NUP210: variants seen among roughly 807,000 people sequenced by gnomAD.
The protein encoded by NUP210 is nucleoporin 210.
In NUP210, 151 loss-of-function variants were observed where a neutral mutation model predicts 196.0. The ratio of observed to expected loss-of-function variants is 0.77; its 90% CI spans 0.67 to 0.88. The LOEUF is 0.88. Ranked by LOEUF, NUP210 falls within the 40% of genes least tolerant of loss-of-function variation. The pLI, the probability that NUP210 is intolerant of heterozygous loss-of-function variation, is 0.00. For missense variants in NUP210, 2,314 were observed against 2,493.7 expected (o/e 0.93, Z 1.53); for synonymous variants, 1,070 against 1,052.7 (o/e 1.02, Z -0.32).
chr3:13,418,968 A>G (rs1344828165), intron 1 of NUP210, among the ~76,000 whole-genome samples: 6 of 149,604 alleles, frequency 4.0e-5, no homozygotes, highest in Non-Finnish European at 5.9e-5. Flanking sequence ...AAAAAAAAAA[A>G]AAAAAGAAAG....
At chr3:13,325,288 G>A (rs765966251) in intron 33 of NUP210, among the ~76,000 whole-genome samples, 8 of 152,200 alleles carry the variant, frequency 5.3e-5, no homozygotes, top group South Asian at 2.1e-4. Context: ...CACTAAATAT[G>A]CAAACAATTA....
chr3:13,414,659 T>C (rs7640932), intron 1 of NUP210, among the ~76,000 whole-genome samples: 33,631 of 152,018 alleles, frequency 0.22, 5,838 homozygotes, highest in African/African-American at 0.49. Flanking sequence ...TGACAAGCTC[T>C]ATCTCTCCTC....
chr3:13,353,111 G>A (rs1225334203), intron 18 of NUP210, among the ~76,000 whole-genome samples: 1 of 151,906 alleles, frequency 6.6e-6, no homozygotes, highest in Non-Finnish European at 1.5e-5. Flanking sequence ...CCTCCCTCCA[G>A]GCCAGCCTCC....
intron 5 of NUP210, 50 bp from the exon 6 acceptor site, chr3:13,386,457 G>A (rs1280755099): frequency 1.9e-6 from 3 of 1,608,074 alleles, no homozygotes; most frequent in East Asian, 4.5e-5. Flanking sequence ...AGGGAATGGG[G>A]AAGTGGTGGT....
Position 13,332,326 on chromosome 3 carries a change from G to C in NUP210, c.3902C>G (p.Ser1301Trp). The change falls in exon 29 of 40, where the codon TCG (serine) becomes TGG (tryptophan). Residue 1301 changes from serine to tryptophan, a missense_variant. By Grantham distance (177) the Ser-to-Trp change is radical (BLOSUM62 -3). Coordinates refer to ENST00000254508, the MANE Select transcript of NUP210 (RefSeq NM_024923.4). ...CTGCAGCTTTATATATGAGTTGGGC[G>C]ACATTAATATTTGTTCTGCTTCTAT... is the stretch of plus-strand genomic sequence containing the variant. ...PEIEAEQILM[S>W]PNSYIKLQTN... 6 of 1,613,800 alleles carry C rather than the reference G, an allele frequency of 3.7e-6. No individual in the cohort carries two copies. Among genetic ancestry groups the C allele is most frequent in the Non-Finnish European group, 5.1e-6 (6 of 1,179,778 alleles).
chr3:13,336,800 C>A lies in NUP210; in HGVS notation c.3671G>T (p.Gly1224Val). ...GTGGTTACCTACCTCGTGGTGCCGC[C>A]CTCGGAGGTCCAGGACGTCCCGCTT... ...VTKRDVLDLR[G>V]RHHEASIRLP... The change falls in exon 27 of 40, where the codon GGG (glycine) becomes GTG (valine). Residue 1224 changes from glycine (G) to valine (V), a missense_variant. By Grantham distance (109) the Gly-to-Val change is moderately radical. Transcript: ENST00000254508. 2 of 1,613,336 alleles carry A rather than the reference C, an allele frequency of 1.2e-6. No individual in the cohort carries two copies. The highest frequency in any genetic ancestry group is 1.7e-6 in the Non-Finnish European group (2 of 1,179,644).
At chr3:13,407,367 C>G (rs1203307615) in intron 1 of NUP210, among the ~76,000 whole-genome samples, 1 of 152,132 alleles carries the variant, frequency 6.6e-6, no homozygotes, top group Non-Finnish European at 1.5e-5. Context: ...TTGAACCTGT[C>G]CTTCCTCTTC....
At chr3:13,380,614 C>G (rs1699069211) in intron 6 of NUP210, among the ~76,000 whole-genome samples, 1 of 152,210 alleles carries the variant, frequency 6.6e-6, no homozygotes, top group Admixed American at 6.5e-5. Context: ...CACCCATTCA[C>G]TGTCCCCACA....
chr3:13,375,968 C>G lies in NUP210; in HGVS notation c.1293+323G>C, dbSNP rs146788370. The stretch of plus-strand genomic sequence containing the variant: ...CAGCCCCCAGAGCTGAGGAGGCCGA[C>G]TCTGGCAGGAGTCACTGTCGGTGCA... On this transcript the variant is annotated intron_variant, in intron 10 of 39. Coordinates refer to ENST00000254508, the MANE Select transcript of NUP210 (RefSeq NM_024923.4). Among the ~76,000 whole-genome samples the G allele has an allele frequency of 3.2e-3, 495 of 152,334 alleles. 5 individuals are homozygous for G. Among genetic ancestry groups the G allele is most frequent in the African/African-American group, 0.012 (484 of 41,564 alleles).
intron 11 of NUP210, 137 bp downstream of exon 11, chr3:13,375,367 C>T: frequency 1.2e-6 from 1 of 816,102 alleles, no homozygotes; most frequent in Non-Finnish European, 1.8e-6. Context: ...ATGGAAACCT[C>T]AGGAAACATA....
intron 36 of NUP210, among the ~76,000 whole-genome samples, chr3:13,320,756 G>A (rs1251416904): frequency 6.6e-6 from 1 of 152,030 alleles, no homozygotes; most frequent in Admixed American, 6.6e-5. Flanking sequence ...GCCAGGTGTG[G>A]TGGCAGGCAC....
chr3:13,336,778 G>T lies in NUP210; in HGVS notation c.3684+9C>A. ...TGGGAGGTGAGCTCTGGAGGGGGTG[G>T]TTACCTACCTCGTGGTGCCGCCCTC... is the stretch of plus-strand genomic sequence containing the variant. On this transcript the variant is annotated intron_variant, in intron 27 of 39. Transcript: ENST00000254508. The T allele has an allele frequency of 6.2e-7, 1 of 1,612,360 alleles. No individual in the cohort carries two copies. Among genetic ancestry groups the T allele is most frequent in the Non-Finnish European group, 8.5e-7 (1 of 1,179,238 alleles).
At chr3:13,322,902 A>G (rs1696597901) in intron 34 of NUP210, among the ~76,000 whole-genome samples, 1 of 152,212 alleles carries the variant, frequency 6.6e-6, no homozygotes. Context: ...CAGGGCTGTC[A>G]TGGGCAGGGG....
intron 14 of NUP210, among the ~76,000 whole-genome samples, chr3:13,364,004 A>G (rs993937389): frequency 4.0e-5 from 6 of 151,552 alleles, no homozygotes; most frequent in African/African-American, 9.7e-5. Flanking sequence ...GGGGATTTCA[A>G]CTCTCTCCAC....
chr3:13,330,732 CTCCTGGGAGG>C, intron 29 of NUP210, 98 bp from the exon 30 acceptor site: 1 of 1,221,574 alleles, frequency 8.2e-7, no homozygotes, highest in African/African-American at 1.5e-5. Context: ...GCTCCTCATG[CTCCTGGGAGG>C]AAAAAAGGCC....
rs199752879 is a variant in NUP210, at chr3:13,323,336, C to T, written c.4741G>A (p.Val1581Met). 219 of 1,614,036 alleles carry T rather than the reference C, an allele frequency of 1.4e-4. 1 individual carries two copies. The highest frequency in any genetic ancestry group is 1.6e-4 in the Middle Eastern group (1 of 6,080). The change falls in exon 34 of 40, where the codon GTG becomes ATG. Residue 1581 changes from valine (V) to methionine (M), a missense_variant. By Grantham distance (21) the Val-to-Met change is conservative. Transcript: ENST00000254508. This position sits in a 1 kb window ranked among gnomAD's most constrained non-coding sequence, Gnocchi z 4.3. ...EATASKVIVA[V>M]GDRSSNLRGE... Reference sequence around the variant, plus strand: ...CTCAGGTTAGAGCTTCTGTCTCCCACGGCAACAATCACTTTGGAGGCTGTA... The same window carrying T: ...CTCAGGTTAGAGCTTCTGTCTCCCATGGCAACAATCACTTTGGAGGCTGTA...
In NUP210 at chr3:13,319,313, A is replaced by G; in HGVS notation, c.5396T>C (p.Leu1799Pro). 1 of 1,610,536 alleles carries G rather than the reference A, an allele frequency of 6.2e-7. No homozygotes were observed. The highest frequency in any genetic ancestry group is 1.1e-5 in the South Asian group (1 of 90,306). The change falls in exon 38 of 40, where the codon CTC becomes CCC. Residue 1799 changes from leucine to proline, a missense_variant. Transcript: ENST00000254508. Reference protein sequence around the residue: ...RRGPGPYGASLFQHFLDSYQV... With the variant: ...RRGPGPYGASPFQHFLDSYQV... ...GTAGGAATCCAGGAAGTGCTGGAAG[A>G]GGCTGGCTCCATCTGCCATCAATGG... is the stretch of plus-strand genomic sequence containing the variant.
At chr3:13,375,703 G>C in intron 10 of NUP210, 62 bp from the exon 11 acceptor site, 1 of 1,552,064 alleles carries the variant, frequency 6.4e-7, no homozygotes, top group Non-Finnish European at 8.8e-7. Context: ...GTCTTTCCCA[G>C]TCACCGGACC....
intron 13 of NUP210, among the ~76,000 whole-genome samples, chr3:13,368,907 T>G (rs760831643): frequency 1.3e-5 from 2 of 152,238 alleles, no homozygotes; most frequent in Non-Finnish European, 2.9e-5. Flanking sequence ...CACAAATACC[T>G]CTTTCGGATC....
Sources: allele counts gnomAD v4.1 joint callset (sites outside exome capture counted in the v4.1 genomes callset), GRCh38; gene constraint gnomAD v4.1.1; non-coding constraint Gnocchi (gnomAD v3.1); transcripts MANE v1.5; gene names NCBI Gene and HGNC (gene_info 2026-07-23, HGNC 2026-07-21).